Variants in PTPRK observed in about 807,000 individuals in gnomAD.
PTPRK encodes the protein protein tyrosine phosphatase receptor type K, also known as receptor-type tyrosine-protein phosphatase kappa.
In PTPRK, 75 loss-of-function variants were observed where a neutral mutation model predicts 178.0. The observed-to-expected ratio is 0.42, with a 90% CI of 0.35 to 0.51. The LOEUF (loss-of-function observed/expected upper bound fraction) is 0.51. PTPRK is among the 20% of genes least tolerant of loss of function. The probability of loss-of-function intolerance (pLI) is 0.02; values close to 1 mark genes in which losing one functional copy is unlikely to be tolerated. For missense variants in PTPRK, 1,441 were observed against 1,797.8 expected (o/e 0.80, Z 3.59); for synonymous variants, 637 against 620.6 (o/e 1.03, Z -0.39).
chr6:128,311,462 G>A (rs754800532), intron 3 of PTPRK, among the ~76,000 whole-genome samples: 3 of 152,112 alleles, frequency 2.0e-5, no homozygotes, highest in Non-Finnish European at 4.4e-5. Context: ...TTCTCAATAA[G>A]GTACAACTTT....
At position 128,018,713 on chromosome 6, in the gene PTPRK, G is replaced by C. The variant is rs778773361; in HGVS notation, c.2195-9445C>G. Among the ~76,000 whole-genome samples, 3 of 152,074 alleles carry C rather than the reference G, an allele frequency of 2.0e-5. 1 individual carries two copies. Among genetic ancestry groups the C allele is most frequent in the Admixed American group, 2.0e-4 (3 of 15,256 alleles). ...CTTCATAAAGCCTCAGTAAGTATTAGGGAATGTATAAACAGATTCGAATAA... is the reference window on the plus strand; with the variant it reads ...CTTCATAAAGCCTCAGTAAGTATTACGGAATGTATAAACAGATTCGAATAA... On this transcript the variant is annotated intron_variant, in intron 13 of 29. Transcript: ENST00000368226.
chr6:128,419,645 A>G (rs1021121337), intron 1 of PTPRK, among the ~76,000 whole-genome samples: 2 of 152,050 alleles, frequency 1.3e-5, no homozygotes, highest in Non-Finnish European at 2.9e-5. Flanking sequence ...AAAAGAAAAG[A>G]CAGAGAATGG....
At chr6:128,371,842 C>A (rs998302622) in intron 2 of PTPRK, among the ~76,000 whole-genome samples, 8 of 151,718 alleles carry the variant, frequency 5.3e-5, no homozygotes, top group African/African-American at 1.7e-4. Flanking sequence ...TGCCACTGCA[C>A]CCCAGCCCTG....
intron 7 of PTPRK, among the ~76,000 whole-genome samples, chr6:128,124,635 T>C (rs1231098622): frequency 1.3e-5 from 2 of 152,138 alleles, no homozygotes; most frequent in Non-Finnish European, 2.9e-5. Flanking sequence ...TCCCTTTATC[T>C]TCTGGGATGG....
At chr6:128,390,166 A>C (rs1839352612) in intron 2 of PTPRK, among the ~76,000 whole-genome samples, 1 of 152,082 alleles carries the variant, frequency 6.6e-6, no homozygotes, top group African/African-American at 2.4e-5. Context: ...AAAGACTTAA[A>C]ATTATTTTCA....
chr6:127,970,275 T>C lies in PTPRK; in HGVS notation c.4275A>G (p.Gln1425=). The change falls in exon 30 of 30, where the codon CAA becomes CAG. Residue 1425 remains glutamine (Q), a synonymous_variant. Transcript: ENST00000368226. The stretch of plus-strand genomic sequence containing the variant: ...AAGCTACATCATAGCAGAAACGGTA[T>C]TGCTCCTGAAAGATGTCAAAACACA... ...SKPNMVEAPE[Q]YRFCYDVALE... 1.2e-6 allele frequency: 2 copies of C among 1,610,226 alleles called. No individual in the cohort carries two copies. The highest frequency in any genetic ancestry group is 1.7e-6 in the Non-Finnish European group (2 of 1,177,608).
At chr6:128,093,058 C>A (rs1340600836) in intron 7 of PTPRK, among the ~76,000 whole-genome samples, 1 of 152,034 alleles carries the variant, frequency 6.6e-6, no homozygotes, top group Non-Finnish European at 1.5e-5. Context: ...AAATAAAAAA[C>A]CATAATGGTG....
At chr6:128,249,342 A>G (rs1816066331) in intron 3 of PTPRK, among the ~76,000 whole-genome samples, 1 of 151,578 alleles carries the variant, frequency 6.6e-6, no homozygotes, top group African/African-American at 2.4e-5. Context: ...TTAAGCCCAG[A>G]AAAAGTGGAT....
At chr6:128,243,788 C>T (rs1395326277) in intron 3 of PTPRK, among the ~76,000 whole-genome samples, 1 of 152,074 alleles carries the variant, frequency 6.6e-6, no homozygotes, top group Admixed American at 6.6e-5. Context: ...TTCCTTTATT[C>T]ATGGGGATAC....
intron 7 of PTPRK, among the ~76,000 whole-genome samples, chr6:128,132,320 A>G (rs539465709): frequency 1.3e-5 from 2 of 152,046 alleles, no homozygotes; most frequent in Non-Finnish European, 2.9e-5. Context: ...GACTACAGGC[A>G]CCCGCCACCT....
At chr6:128,462,278 A>G (rs1849150982) in intron 1 of PTPRK, among the ~76,000 whole-genome samples, 1 of 152,232 alleles carries the variant, frequency 6.6e-6, no homozygotes, top group Non-Finnish European at 1.5e-5. Context: ...AATTAAATCT[A>G]CATACATAAT....
intron 5 of PTPRK, chr6:128,235,254 T>A (rs1416908282): frequency 6.6e-6 from 1 of 152,290 alleles, no homozygotes; most frequent in Non-Finnish European, 1.5e-5. Flanking sequence ...TTTTAAATAT[T>A]TTCAATAATA....
At chr6:128,442,107 T>A (rs183041907) in intron 1 of PTPRK, among the ~76,000 whole-genome samples, 3 of 152,340 alleles carry the variant, frequency 2.0e-5, no homozygotes, top group Admixed American at 2.0e-4. Context: ...TTCAAAATAC[T>A]TCATAATGTT....
At chr6:128,208,055 G>A (rs1807292266) in intron 6 of PTPRK, among the ~76,000 whole-genome samples, 1 of 151,828 alleles carries the variant, frequency 6.6e-6, no homozygotes, top group African/African-American at 2.4e-5. Flanking sequence ...CATCCATGTT[G>A]AATTCCAAAC....
intron 13 of PTPRK, among the ~76,000 whole-genome samples, chr6:128,033,436 A>G (rs1005570763): frequency 2.6e-5 from 4 of 152,246 alleles, no homozygotes; most frequent in African/African-American, 9.6e-5. Flanking sequence ...TTCCACTGCC[A>G]GATTTCTGAG....
chr6:128,126,211 C>G (rs1348179760), intron 7 of PTPRK, among the ~76,000 whole-genome samples: 1 of 152,076 alleles, frequency 6.6e-6, no homozygotes, highest in Non-Finnish European at 1.5e-5. Context: ...ATGCTCTCCC[C>G]TCCCTTGCCC....
At position 128,219,544 on chromosome 6, in the gene PTPRK, G is replaced by A. The variant is rs1174286713; in HGVS notation, c.694-448C>T. ...TGCTCACCTCCTGCTGTGTGGCCCT[G>A]TTCCTGACAGGCCACAGACCAGTAC... On this transcript the variant is annotated intron_variant, in intron 5 of 29. Coordinates refer to ENST00000368226, the MANE Select transcript of PTPRK (RefSeq NM_002844.4). Among the ~76,000 whole-genome samples the A allele has an allele frequency of 2.0e-5, 3 of 152,184 alleles. No homozygotes were observed. In the East Asian group the frequency reaches 5.8e-4, roughly 29 times the overall value.
intron 2 of PTPRK, among the ~76,000 whole-genome samples, chr6:128,395,400 C>G (rs1349559852): frequency 6.6e-6 from 1 of 152,132 alleles, no homozygotes; most frequent in Non-Finnish European, 1.5e-5. Context: ...ACTGTAACCA[C>G]CGATTAAGCT....
At chr6:128,200,891 AGGAGGGAGGGAGGGAGGGAG>A (rs1192559264) in intron 6 of PTPRK, among the ~76,000 whole-genome samples, 3 of 43,960 alleles carry the variant, frequency 6.8e-5, no homozygotes, top group African/African-American at 2.2e-4. Context: ...AAGGGAGGGA[AGGAGGGAGGGAGGGAGGGAG>A]GGAGGGAGGG....
Sources: gnomAD v4.1 joint callset for allele counts (sites outside exome capture counted in the v4.1 genomes callset) on GRCh38, gnomAD v4.1.1 for gene constraint, MANE v1.5 for transcripts, NCBI Gene and HGNC (gene_info 2026-07-23, HGNC 2026-07-21) for gene names.